The following PPARGC1A variants were observed in gnomAD, a reference collection of about 807,000 sequenced individuals.
The protein encoded by PPARGC1A is peroxisome proliferator-activated receptor gamma coactivator 1-alpha.
PPARGC1A carries 25 observed loss-of-function variants against 88.7 expected under a neutral mutation model. That is an observed-to-expected ratio of 0.28 (90% CI 0.21 to 0.39). The LOEUF is 0.39. PPARGC1A is among the 10% of genes least tolerant of loss of function. PPARGC1A has a pLI of 1.00. For synonymous variants in PPARGC1A, 363 were observed against 355.6 expected, an observed-to-expected ratio of 1.02 and a Z score of -0.24; for missense variants, 880 against 968.7, an observed-to-expected ratio of 0.91 and a Z score of 1.22.
the PPARGC1A span, among the ~76,000 whole-genome samples, chr4:24,331,624 A>T: frequency 6.6e-6 from 1 of 152,128 alleles, no homozygotes; most frequent in African/African-American, 2.4e-5. Flanking sequence ...ACTTCATAAG[A>T]TCTGCCACCA....
chr4:24,041,817 C>A, the PPARGC1A span, among the ~76,000 whole-genome samples: 1 of 151,612 alleles, frequency 6.6e-6, no homozygotes, highest in Middle Eastern at 3.2e-3. Flanking sequence ...TTTTTATTTT[C>A]AGGAGTGAAT....
the PPARGC1A span, among the ~76,000 whole-genome samples, chr4:24,010,461 T>C: frequency 3.9e-5 from 6 of 152,094 alleles, no homozygotes; most frequent in African/African-American, 7.2e-5. Flanking sequence ...ATTTAACAAA[T>C]ATTTATTAAA....
the PPARGC1A span, among the ~76,000 whole-genome samples, chr4:24,130,316 C>A: frequency 1.3e-5 from 2 of 152,104 alleles, no homozygotes; most frequent in African/African-American, 2.4e-5. Flanking sequence ...AGAGGTTAAG[C>A]TGCCTGCCCA....
the PPARGC1A span, among the ~76,000 whole-genome samples, chr4:24,467,769 T>C: frequency 6.6e-5 from 10 of 152,132 alleles, no homozygotes; most frequent in South Asian, 4.1e-4. Context: ...ACAGTGAGTA[T>C]ACAGAATTAT....
At chr4:24,393,219 A>G in the PPARGC1A span, among the ~76,000 whole-genome samples, 1,996 of 152,298 alleles carry the variant, frequency 0.013, 43 homozygotes, top group African/African-American at 0.046. Flanking sequence ...ATGGGAGTCA[A>G]GCAAATGAGC....
chr4:23,954,825 A>G, the PPARGC1A span, among the ~76,000 whole-genome samples: 15 of 152,162 alleles, frequency 9.9e-5, 1 homozygote, highest in South Asian at 3.1e-3. Flanking sequence ...AGATATTTAC[A>G]GTAATTGAAG....
chr4:24,041,668 A>AAT, the PPARGC1A span, among the ~76,000 whole-genome samples: 1 of 152,320 alleles, frequency 6.6e-6, no homozygotes, highest in Admixed American at 6.5e-5. Flanking sequence ...TATAGAGATC[A>AAT]TTCTCTGCAG....
chr4:24,273,144 G>C, the PPARGC1A span, among the ~76,000 whole-genome samples: 5 of 152,118 alleles, frequency 3.3e-5, no homozygotes, highest in African/African-American at 9.7e-5. Flanking sequence ...TTTGGAAATC[G>C]AGAGCAGCTT....
chr4:23,968,385 G>GTCCT, the PPARGC1A span, among the ~76,000 whole-genome samples: 4 of 152,046 alleles, frequency 2.6e-5, no homozygotes, highest in Admixed American at 2.0e-4. Context: ...CTGATCTAAT[G>GTCCT]TCCTTCCTTC....
the PPARGC1A span, among the ~76,000 whole-genome samples, chr4:24,135,042 G>A: frequency 3.9e-5 from 6 of 152,136 alleles, no homozygotes; most frequent in African/African-American, 7.2e-5. Flanking sequence ...TGGCCCCTTC[G>A]CTACCATGTG....
chr4:23,812,899 C>T (rs770559133), intron 9 of PPARGC1A, 32 bp from the exon 10 acceptor site: 1 of 1,613,906 alleles, frequency 6.2e-7, no homozygotes, highest in Non-Finnish European at 8.5e-7. Flanking sequence ...CTAAGTCAAC[C>T]ACCTCAATTT....
At chr4:24,068,608 T>G in the PPARGC1A span, among the ~76,000 whole-genome samples, 1 of 152,160 alleles carries the variant, frequency 6.6e-6, no homozygotes, top group Non-Finnish European at 1.5e-5. Context: ...TGTATATGTG[T>G]GCACATGTGT....
At chr4:23,888,331 T>C (rs1372061422) in intron 1 of PPARGC1A, among the ~76,000 whole-genome samples, 2 of 152,218 alleles carry the variant, frequency 1.3e-5, no homozygotes, top group African/African-American at 4.8e-5. Context: ...TATTTGAAAA[T>C]GACTGCAGGA....
the PPARGC1A span, among the ~76,000 whole-genome samples, chr4:23,933,329 A>G: frequency 6.6e-6 from 1 of 152,226 alleles, no homozygotes; most frequent in Non-Finnish European, 1.5e-5. Flanking sequence ...TGTTTTGGAG[A>G]ATAAATGAGA....
At chr4:23,878,282 GC>G (rs1161340648) in intron 2 of PPARGC1A, among the ~76,000 whole-genome samples, 1 of 151,130 alleles carries the variant, frequency 6.6e-6, no homozygotes, top group Non-Finnish European at 1.5e-5. Flanking sequence ...AAATCCTTGT[GC>G]CTAATGAAAC....
the PPARGC1A span, among the ~76,000 whole-genome samples, chr4:23,932,932 G>C: frequency 6.6e-6 from 1 of 152,194 alleles, no homozygotes; most frequent in African/African-American, 2.4e-5. Flanking sequence ...GTTAACATTA[G>C]ACAGGTGCTT....
At chr4:24,116,285 T>G in the PPARGC1A span, among the ~76,000 whole-genome samples, 1 of 152,232 alleles carries the variant, frequency 6.6e-6, no homozygotes, top group South Asian at 2.1e-4. Flanking sequence ...CTCTAGGCAC[T>G]TGGAATTACA....
the PPARGC1A span, among the ~76,000 whole-genome samples, chr4:24,102,486 G>T: frequency 1.3e-5 from 2 of 152,188 alleles, no homozygotes; most frequent in Admixed American, 6.5e-5. Context: ...TAGCTCCTGA[G>T]GCCCTGTTTC....
intron 2 of PPARGC1A, among the ~76,000 whole-genome samples, chr4:23,873,206 A>AAAG (rs1713893367): frequency 7.1e-6 from 1 of 140,600 alleles, no homozygotes; most frequent in Non-Finnish European, 1.6e-5. Context: ...TCAAAAATAA[A>AAAG]AAATAAAAAA....
Sources: allele counts gnomAD v4.1 joint callset (sites outside exome capture counted in the v4.1 genomes callset), GRCh38; gene constraint gnomAD v4.1.1; transcripts MANE v1.5; gene names NCBI Gene and HGNC (gene_info 2026-07-23, HGNC 2026-07-21).